ELFN2: variants seen among roughly 807,000 people sequenced by gnomAD.
ELFN2 encodes the protein extracellular leucine rich repeat and fibronectin type III domain containing 2.
Under a neutral mutation model 45.5 loss-of-function variants are expected in ELFN2, and 17 were observed. The observed-to-expected ratio is 0.37, with a 90% CI of 0.26 to 0.56. The LOEUF is 0.56. Among genes scored for constraint, ELFN2 ranks in the 20% least tolerant of loss-of-function variants. The probability of loss-of-function intolerance (pLI) is 0.77; values close to 1 mark genes in which losing one functional copy is unlikely to be tolerated. For missense variants in ELFN2, 922 were observed against 1,183.2 expected (o/e 0.78, Z 3.24); for synonymous variants, 550 against 551.5 (o/e 1.00, Z 0.04).
At chr22:37,411,070 A>G (rs2413467) in intron 2 of ELFN2, among the ~76,000 whole-genome samples, 37,309 of 151,914 alleles carry the variant, frequency 0.25, 7,608 homozygotes, top group African/African-American at 0.57. Context: ...GCGTAGCACC[A>G]AGTGCTTCAT....
At chr22:37,362,547 T>C (rs2145623055) in intron 1 of ELFN2, among the ~76,000 whole-genome samples, 1 of 152,338 alleles carries the variant, frequency 6.6e-6, no homozygotes, top group African/African-American at 2.4e-5. Context: ...GACACTCCAC[T>C]GGCCTAAGGT....
In ELFN2 at chr22:37,422,954, G is replaced by T. The variant is rs947405297; in HGVS notation, c.-614+4344C>A. Among the ~76,000 whole-genome samples the T allele has an allele frequency of 3.4e-5, 5 of 147,262 alleles. No homozygotes were observed. In the South Asian group the frequency reaches 6.5e-4, roughly 19 times the overall value. ...AGGAAACTGGGCCTCGGGGGGGGGG[G>T]GGGAAGTGACTTGCCCAGGACCCAC... On this transcript the variant is annotated intron_variant, in intron 1 of 2. Coordinates refer to ENST00000402918, the MANE Select transcript of ELFN2 (RefSeq NM_052906.5).
At chr22:37,407,161 T>A (rs886706223) in intron 2 of ELFN2, among the ~76,000 whole-genome samples, 1 of 150,838 alleles carries the variant, frequency 6.6e-6, no homozygotes, top group African/African-American at 2.5e-5. Flanking sequence ...TATGTGTACA[T>A]GAGCACACCA....
rs1931478311 is a variant in ELFN2 at position 37,374,034 on chromosome 22, T to G, written c.1501A>C (p.Asn501His). Residue 501 changes from asparagine (N) to histidine (H), a missense_variant, in exon 3 of 3, where the codon AAC (asparagine) becomes CAC (histidine). Asn to His is a moderately conservative substitution (Grantham distance 68, BLOSUM62 1). Transcript: ENST00000402918. The stretch of plus-strand genomic sequence containing the variant: ...GCGCCTGTGCGCACCTCGATATAGT[T>G]GCCTTTGGTGGCTACCTTGGGTGTG... ...LDTPKVATKG[N>H]YIEVRTGAGG... 1 of 1,613,184 alleles carries G rather than the reference T, an allele frequency of 6.2e-7. No homozygotes were observed. Among genetic ancestry groups the G allele is most frequent in the Non-Finnish European group, 8.5e-7 (1 of 1,180,000 alleles).
intron 1 of ELFN2, chr22:37,353,515 C>T (rs145381700): frequency 6.6e-6 from 1 of 151,058 alleles, no homozygotes; most frequent in Non-Finnish European, 1.5e-5. Flanking sequence ...GGCAAGAAGC[C>T]GCACAGCGGG....
At chr22:37,402,331 G>A (rs1394264491) in intron 2 of ELFN2, among the ~76,000 whole-genome samples, 2 of 152,234 alleles carry the variant, frequency 1.3e-5, no homozygotes, top group South Asian at 2.1e-4. Flanking sequence ...GGCAGACTCC[G>A]TGTTGACACA....
chr22:37,386,199 T>C (rs1337835372), intron 2 of ELFN2, among the ~76,000 whole-genome samples: 1 of 152,176 alleles, frequency 6.6e-6, no homozygotes, highest in East Asian at 1.9e-4. Flanking sequence ...GCCTAGGTGC[T>C]GTTTCCAAGC....
In ELFN2 at chr22:37,374,693, A is replaced by G; in HGVS notation, c.842T>C (p.Leu281Pro). 6.2e-7 allele frequency: 1 copy of G among 1,611,776 alleles called. No individual in the cohort carries two copies. The highest frequency in any genetic ancestry group is 8.5e-7 in the Non-Finnish European group (1 of 1,178,150). The change falls in exon 3 of 3, where the codon CTT becomes CCT. Residue 281 changes from leucine to proline, a missense_variant. Leu to Pro is a moderately conservative substitution (Grantham distance 98, BLOSUM62 -3). Around this residue, in one of 2 missense-constraint regions of ELFN2, gnomAD observed 358 missense variants for 540.4 expected, o/e 0.66. Coordinates refer to ENST00000402918, the MANE Select transcript of ELFN2 (RefSeq NM_052906.5). ...ENSGFNPDEI[L>P]SVEPPASSTT... The stretch of plus-strand genomic sequence containing the variant: ...GGACGAGGCCGGCGGCTCCACCGAA[A>G]GGATCTCGTCGGGGTTGAAGCCCGA...
chr22:37,423,738 C>A (rs1313968750), intron 1 of ELFN2, among the ~76,000 whole-genome samples: 3 of 152,172 alleles, frequency 2.0e-5, no homozygotes, highest in Non-Finnish European at 4.4e-5. Flanking sequence ...AGCCAGCACC[C>A]TTCCTCTGGC....
At chr22:37,406,820 T>C (rs1932513694) in intron 2 of ELFN2, among the ~76,000 whole-genome samples, 1 of 152,102 alleles carries the variant, frequency 6.6e-6, no homozygotes, top group Non-Finnish European at 1.5e-5. Context: ...ACAGGGAGGC[T>C]TGGGCAGGTG....
At chr22:37,410,790 G>A (rs1932629211) in intron 2 of ELFN2, among the ~76,000 whole-genome samples, 1 of 152,228 alleles carries the variant, frequency 6.6e-6, no homozygotes, top group Non-Finnish European at 1.5e-5. Flanking sequence ...GGATGAATAT[G>A]AATGAGCTGG....
intron 1 of ELFN2, among the ~76,000 whole-genome samples, chr22:37,424,333 AT>A (rs1377039353): frequency 6.6e-6 from 1 of 152,162 alleles, no homozygotes; most frequent in East Asian, 1.9e-4. Flanking sequence ...CTGGAACCCA[AT>A]TCTGCTGCCA....
intron 2 of ELFN2, among the ~76,000 whole-genome samples, chr22:37,388,955 G>A (rs1486801227): frequency 2.0e-5 from 3 of 152,242 alleles, no homozygotes; most frequent in African/African-American, 7.2e-5. Context: ...CCCAGGATGG[G>A]AGAGGTCACA....
chr22:37,378,274 T>C (rs911648978), intron 2 of ELFN2, among the ~76,000 whole-genome samples: 3 of 152,232 alleles, frequency 2.0e-5, no homozygotes, highest in African/African-American at 7.2e-5. Context: ...ATCTATGTTA[T>C]AGTTGGCATG....
intron 2 of ELFN2, among the ~76,000 whole-genome samples, chr22:37,407,263 C>G (rs1932529160): frequency 6.6e-6 from 1 of 152,148 alleles, no homozygotes; most frequent in African/African-American, 2.4e-5. Context: ...GAAATTCAGG[C>G]TATACCACAA....
At chr22:37,395,106 AAAATAAAT>A (rs3041590) in intron 2 of ELFN2, among the ~76,000 whole-genome samples, 27,988 of 140,804 alleles carry the variant, frequency 0.2, 2,952 homozygotes, top group South Asian at 0.34. Flanking sequence ...CTCTGTCTCA[AAAATAAAT>A]AAATAAATAA....
intron 2 of ELFN2, among the ~76,000 whole-genome samples, chr22:37,406,590 G>A (rs757729696): frequency 1.9e-4 from 28 of 148,828 alleles, no homozygotes; most frequent in African/African-American, 6.2e-4. Flanking sequence ...AGCCCCTCCC[G>A]TCCCCCGCTC....
intron 2 of ELFN2, among the ~76,000 whole-genome samples, chr22:37,387,331 T>C (rs757255500): frequency 1.3e-5 from 2 of 152,224 alleles, no homozygotes; most frequent in Admixed American, 6.5e-5. Context: ...TGTGGTCCTT[T>C]GAAAATTAGC....
rs748776432 is a variant in ELFN2 at position 37,374,197 on chromosome 22, A to G, written c.1338T>C (p.Asp446=). The change falls in exon 3 of 3, where the codon GAT becomes GAC. Residue 446 remains aspartate, a synonymous_variant. Transcript: ENST00000402918. ...CGTGCACAATGGAGCCGGCATCCACATCAGCCCCGTAGCGCATCTCCAGGA... is the reference window on the plus strand; with the variant it reads ...CGTGCACAATGGAGCCGGCATCCACGTCAGCCCCGTAGCGCATCTCCAGGA... ...KTILEMRYGA[D]VDAGSIVHAA... is the part of the protein sequence containing the mutation. The G allele has an allele frequency of 1.2e-6, 2 of 1,613,484 alleles. No homozygotes were observed. Among genetic ancestry groups the G allele is most frequent in the Admixed American group, 3.3e-5 (2 of 59,982 alleles).
Sources: gnomAD v4.1 joint callset for allele counts (sites outside exome capture counted in the v4.1 genomes callset) on GRCh38, gnomAD v4.1.1 for gene constraint, gnomAD v4.1.1 regional missense constraint, MANE v1.5 for transcripts, NCBI Gene and HGNC (gene_info 2026-07-23, HGNC 2026-07-21) for gene names.